PPP2R2A: variants seen among roughly 807,000 people sequenced by gnomAD.
PPP2R2A encodes protein phosphatase 2 regulatory subunit Balpha, also known as serine/threonine-protein phosphatase 2A 55 kDa regulatory subunit B alpha isoform.
A neutral mutation model predicts 53.2 loss-of-function variants in PPP2R2A; 9 were observed. The observed-to-expected ratio is 0.17, with a 90% CI of 0.10 to 0.30. PPP2R2A has a LOEUF of 0.30. Among genes scored for constraint, PPP2R2A ranks in the 10% least tolerant of loss-of-function variants. The pLI, the probability that PPP2R2A is intolerant of heterozygous loss-of-function variation, is 1.00. For synonymous variants in PPP2R2A, 169 were observed against 174.2 expected (o/e 0.97, Z 0.23); for missense variants, 235 against 534.6 (o/e 0.44, Z 5.53).
intron 4 of PPP2R2A, among the ~76,000 whole-genome samples, chr8:26,357,284 C>T (rs1585402181): frequency 5.7e-5 from 1 of 17,590 alleles, no homozygotes; most frequent in Non-Finnish European, 1.3e-4. Context: ...CATAGTAACA[C>T]CCCCCCCCCC....
At chr8:26,318,879 G>T (rs1388815197) in intron 2 of PPP2R2A, among the ~76,000 whole-genome samples, 1 of 152,144 alleles carries the variant, frequency 6.6e-6, no homozygotes, top group African/African-American at 2.4e-5. Flanking sequence ...TACACATAAG[G>T]TTTACCATTT....
At chr8:26,351,242 T>C (rs1563316876) in intron 3 of PPP2R2A, among the ~76,000 whole-genome samples, 1 of 152,114 alleles carries the variant, frequency 6.6e-6, no homozygotes. Flanking sequence ...CTGTAGCTAC[T>C]AGATCCATGT....
In PPP2R2A at chr8:26,300,448, A is replaced by G. The variant is rs773783476; in HGVS notation, c.82+6708A>G. Among the ~76,000 whole-genome samples, 4 of 152,368 alleles carry G rather than the reference A, an allele frequency of 2.6e-5. No homozygotes were observed. In the South Asian group the frequency reaches 8.3e-4, roughly 32 times the overall value. ...GAAAACTGAAGGATTGGAAATAGCT[A>G]AAAAATTTTAGTTAATATCCTCAAC... On this transcript the variant is annotated intron_variant, in intron 2 of 9. Transcript: ENST00000380737.
intron 6 of PPP2R2A, among the ~76,000 whole-genome samples, chr8:26,361,668 A>G (rs1805090152): frequency 6.6e-6 from 1 of 151,970 alleles, no homozygotes; most frequent in East Asian, 1.9e-4. Flanking sequence ...TTTTATTGTA[A>G]AAATAGTCTC....
intron 2 of PPP2R2A, among the ~76,000 whole-genome samples, chr8:26,311,372 G>T (rs143408125): frequency 2.6e-5 from 4 of 152,142 alleles, no homozygotes; most frequent in Non-Finnish European, 5.9e-5. Context: ...ATAAATATAC[G>T]TTACATTAAT....
At chr8:26,298,994 G>T (rs1393258155) in intron 2 of PPP2R2A, among the ~76,000 whole-genome samples, 2 of 152,192 alleles carry the variant, frequency 1.3e-5, no homozygotes, top group African/African-American at 4.8e-5. Flanking sequence ...AATAGAACAG[G>T]CCAGGTGCAG....
intron 2 of PPP2R2A, among the ~76,000 whole-genome samples, chr8:26,326,579 T>G (rs996817059): frequency 6.6e-6 from 1 of 152,210 alleles, no homozygotes; most frequent in Non-Finnish European, 1.5e-5. Context: ...GTAATCCTAA[T>G]TTGTAAAGAT....
rs1803766780 is a variant in PPP2R2A, at chr8:26,338,236, T to C, written c.83-654T>C. Among the ~76,000 whole-genome samples the C allele has an allele frequency of 6.6e-6, 1 of 152,218 alleles. No homozygotes were observed. The highest frequency in any genetic ancestry group is 1.5e-5 in the Non-Finnish European group (1 of 68,036). ...AACCAAGAAAAAAAACTTGACAGTT[T>C]TCTTTGATCATGACTGTGAAGTCAG... On this transcript the variant is annotated intron_variant, in intron 2 of 9. Coordinates refer to ENST00000380737, the MANE Select transcript of PPP2R2A (RefSeq NM_002717.4). The surrounding 1 kb of genome is among the most constrained non-coding windows in gnomAD (Gnocchi z 4.5).
rs572538391 is a variant in PPP2R2A, at chr8:26,352,306, A to C, written c.181-2162A>C. 1.3e-5 allele frequency among the ~76,000 whole-genome samples: 2 copies of C among 152,306 alleles called. 1 individual carries two copies. Among genetic ancestry groups the C allele is most frequent in the African/African-American group, 4.8e-5 (2 of 41,566 alleles). On this transcript the variant is annotated intron_variant, in intron 3 of 9. Transcript: ENST00000380737. ...CTTGCTCACTGTACTTTGTTTGTGC[A>C]GGGAACAATGCTATCATGATCATTA...
At chr8:26,316,566 G>A (rs1156766270) in intron 2 of PPP2R2A, among the ~76,000 whole-genome samples, 1 of 152,104 alleles carries the variant, frequency 6.6e-6, no homozygotes, top group Non-Finnish European at 1.5e-5. Flanking sequence ...TTAGAATGAA[G>A]ACATTTGTCA....
chr8:26,293,663 CAGG>C lies in PPP2R2A; in HGVS notation c.8_10del (p.Gly3del). 1 of 1,606,122 alleles carries C rather than the reference CAGG, an allele frequency of 6.2e-7. No homozygotes were observed. The highest frequency in any genetic ancestry group is 8.5e-7 in the Non-Finnish European group (1 of 1,177,164). Reference sequence around the variant, plus strand: ...TTTTAATTGGTATGTTTTCTTTTTCCAGGAGCTGGAGGAGGGAATGATATTCAG... The same window carrying C: ...TTTTAATTGGTATGTTTTCTTTTTCCAGCTGGAGGAGGGAATGATATTCAG... On this transcript the variant is annotated splice_acceptor_variant and coding_sequence_variant, in exon 2 of 10. Coordinates refer to ENST00000380737, the MANE Select transcript of PPP2R2A (RefSeq NM_002717.4). LOFTEE classifies it high-confidence loss of function.
chr8:26,357,693 AAGCTGCATTCCCACAAAGG>A (rs1172990590), intron 4 of PPP2R2A, among the ~76,000 whole-genome samples: 3 of 152,050 alleles, frequency 2.0e-5, no homozygotes, highest in Non-Finnish European at 4.4e-5. Flanking sequence ...GTCTTACATA[AAGCTGCATTCCCACAAAGG>A]AAACGGCAGC....
intron 2 of PPP2R2A, among the ~76,000 whole-genome samples, chr8:26,334,300 A>G (rs1461176299): frequency 6.6e-6 from 1 of 152,192 alleles, no homozygotes; most frequent in African/African-American, 2.4e-5. Flanking sequence ...GTGAGAATAT[A>G]ACTCAACTGA....
At chr8:26,315,579 C>T (rs1180279451) in intron 2 of PPP2R2A, among the ~76,000 whole-genome samples, 2 of 152,180 alleles carry the variant, frequency 1.3e-5, no homozygotes, top group Non-Finnish European at 2.9e-5. Flanking sequence ...TCTAGCTTCT[C>T]TGTGTCTTGC....
At chr8:26,297,973 A>G (rs1275072582) in intron 2 of PPP2R2A, among the ~76,000 whole-genome samples, 2 of 152,266 alleles carry the variant, frequency 1.3e-5, no homozygotes, top group African/African-American at 4.8e-5. Flanking sequence ...GTTTAGAGGC[A>G]CATATGCAGC....
chr8:26,296,574 G>A (rs989093860), intron 2 of PPP2R2A, among the ~76,000 whole-genome samples: 3 of 152,056 alleles, frequency 2.0e-5, no homozygotes, highest in African/African-American at 2.4e-5. Context: ...ACTTTGTTAC[G>A]TAGATATCAT....
chr8:26,326,786 G>A (rs1370154074), intron 2 of PPP2R2A, among the ~76,000 whole-genome samples: 1 of 152,140 alleles, frequency 6.6e-6, no homozygotes, highest in Admixed American at 6.5e-5. Context: ...AAAAGTTGAG[G>A]AACATCTAAT....
intron 2 of PPP2R2A, among the ~76,000 whole-genome samples, chr8:26,316,206 C>T (rs1802548704): frequency 6.6e-6 from 1 of 152,070 alleles, no homozygotes; most frequent in Admixed American, 6.5e-5. Flanking sequence ...TGGGGTTTCA[C>T]CATGTTGGCC....
At chr8:26,322,708 CAT>C (rs1802902272) in intron 2 of PPP2R2A, among the ~76,000 whole-genome samples, 1 of 152,138 alleles carries the variant, frequency 6.6e-6, no homozygotes, top group South Asian at 2.1e-4. Context: ...CCAAAACTTA[CAT>C]ATAAAAGTAG....
Sources: gnomAD v4.1 joint callset for allele counts (sites outside exome capture counted in the v4.1 genomes callset) on GRCh38, gnomAD v4.1.1 for gene constraint, Gnocchi (gnomAD v3.1) non-coding constraint, MANE v1.5 for transcripts, NCBI Gene and HGNC (gene_info 2026-07-23, HGNC 2026-07-21) for gene names.